Variants in GNAQ observed in about 807,000 individuals in gnomAD.
GNAQ encodes the protein guanine nucleotide-binding protein G(q) subunit alpha.
In GNAQ, 8 loss-of-function variants were observed where a neutral mutation model predicts 43.9. The ratio of observed to expected loss-of-function variants is 0.18; its 90% CI spans 0.11 to 0.33. The LOEUF (loss-of-function observed/expected upper bound fraction) is 0.33, where lower values mean the gene tolerates loss of function less well. GNAQ is among the 10% of genes least tolerant of loss of function. The pLI is 1.00. For missense variants in GNAQ, 158 were observed against 450.8 expected (o/e 0.35, Z 5.88); for synonymous variants, 155 against 170.7 (o/e 0.91, Z 0.71).
At chr9:77,986,622 T>A (rs1257427737) in intron 1 of GNAQ, among the ~76,000 whole-genome samples, 1 of 152,018 alleles carries the variant, frequency 6.6e-6, no homozygotes, top group African/African-American at 2.4e-5. Context: ...CCTTCCTCCT[T>A]AGCCTCCCAA....
At chr9:77,881,420 CCATACTGGAGTA>C (rs1450205864) in intron 2 of GNAQ, among the ~76,000 whole-genome samples, 1 of 152,174 alleles carries the variant, frequency 6.6e-6, no homozygotes, top group Non-Finnish European at 1.5e-5. Context: ...GCTCTGTTGT[CCATACTGGAGTA>C]CAGTGACGCT....
intron 5 of GNAQ, among the ~76,000 whole-genome samples, chr9:77,730,749 T>G (rs752059174): frequency 1.3e-5 from 2 of 152,250 alleles, no homozygotes; most frequent in Non-Finnish European, 2.9e-5. Context: ...TTATTGTCTA[T>G]AGGCCTTTTA....
rs143268092 is a variant in GNAQ, at chr9:78,013,706, C to T, written c.136+17394G>A. Among the ~76,000 whole-genome samples, 1,065 of 152,236 alleles carry T rather than the reference C, an allele frequency of 7.0e-3. 19 individuals carry two copies. Among genetic ancestry groups the T allele is most frequent in the African/African-American group, 0.024 (990 of 41,524 alleles). On this transcript the variant is annotated intron_variant, in intron 1 of 6. Transcript: ENST00000286548. The stretch of plus-strand genomic sequence containing the variant: ...ACAGACAGGAACAAAAAAGTTAATA[C>T]ACGCAAATAAAATACCACAAAAAGC...
chr9:78,013,859 G>A (rs1218337227), intron 1 of GNAQ, among the ~76,000 whole-genome samples: 1 of 152,118 alleles, frequency 6.6e-6, no homozygotes, highest in Non-Finnish European at 1.5e-5. Context: ...GTTTGTGGCA[G>A]AGTTGAGTAG....
At position 77,802,269 on chromosome 9, in the gene GNAQ, C is replaced by G. The variant is rs185728228; in HGVS notation, c.477-4621G>C. ...CGCATAACCCCCAATCCCATGCAAC[C>G]CCCCTCACTCTGGGCTCACAGGACT... On this transcript the variant is annotated intron_variant, in intron 3 of 6. Coordinates refer to ENST00000286548, the MANE Select transcript of GNAQ (RefSeq NM_002072.5). Among the ~76,000 whole-genome samples, 5 of 152,208 alleles carry G rather than the reference C, an allele frequency of 3.3e-5. No homozygotes were observed. In the East Asian group the frequency reaches 9.7e-4, roughly 29 times the overall value.
intron 2 of GNAQ, among the ~76,000 whole-genome samples, chr9:77,889,280 T>C (rs547105851): frequency 2.0e-5 from 3 of 151,394 alleles, no homozygotes; most frequent in East Asian, 3.9e-4. Flanking sequence ...TGGTGGTGCG[T>C]GCCTGTAGTC....
Position 77,955,935 on chromosome 9 carries a change from C to T in GNAQ, c.137-33590G>A, listed in dbSNP as rs117241171. Among the ~76,000 whole-genome samples, 307 of 152,242 alleles carry T rather than the reference C, an allele frequency of 2.0e-3. 10 individuals carry two copies. In the East Asian group the frequency reaches 0.058, roughly 29 times the overall value. On this transcript the variant is annotated intron_variant, in intron 1 of 6. Transcript: ENST00000286548. Reference sequence around the variant, plus strand: ...AGACCAAGAGGTGATGTTTCTCTTCCGATGGCAATTCCTGCCACGGCAATT... The same window carrying T: ...AGACCAAGAGGTGATGTTTCTCTTCTGATGGCAATTCCTGCCACGGCAATT...
intron 2 of GNAQ, among the ~76,000 whole-genome samples, chr9:77,895,358 G>A (rs559745284): frequency 6.6e-6 from 1 of 152,160 alleles, no homozygotes. Flanking sequence ...CACACAGAAT[G>A]TAACTGATCT....
intron 1 of GNAQ, among the ~76,000 whole-genome samples, chr9:77,996,647 C>T (rs1420199946): frequency 7.1e-6 from 1 of 140,666 alleles, no homozygotes; most frequent in East Asian, 2.1e-4. Context: ...CACTGCATTC[C>T]AGCCCGGACA....
intron 1 of GNAQ, among the ~76,000 whole-genome samples, chr9:78,028,909 T>C (rs1229687518): frequency 6.6e-6 from 1 of 152,176 alleles, no homozygotes; most frequent in East Asian, 1.9e-4. Flanking sequence ...GTAGTATTCA[T>C]GTTGCAAAAG....
chr9:77,729,070 A>G (rs1214813370), intron 5 of GNAQ, among the ~76,000 whole-genome samples: 1 of 143,610 alleles, frequency 7.0e-6, no homozygotes, highest in East Asian at 2.0e-4. Flanking sequence ...TTCTTAAGCT[A>G]TATTTATTTG....
chr9:77,818,969 C>T (rs1827063780), intron 2 of GNAQ, among the ~76,000 whole-genome samples: 1 of 117,312 alleles, frequency 8.5e-6, no homozygotes, highest in Non-Finnish European at 1.6e-5. Context: ...CACGGCATTC[C>T]AGCCTAGGTA....
At chr9:77,788,296 A>T (rs753644545) in intron 5 of GNAQ, among the ~76,000 whole-genome samples, 1 of 152,202 alleles carries the variant, frequency 6.6e-6, no homozygotes, top group Non-Finnish European at 1.5e-5. Context: ...ACAGCAGGGA[A>T]CAGTCACGTA....
intron 3 of GNAQ, among the ~76,000 whole-genome samples, chr9:77,813,850 T>C (rs1284421221): frequency 6.6e-6 from 1 of 152,044 alleles, no homozygotes; most frequent in Non-Finnish European, 1.5e-5. Context: ...AGATAGAGGT[T>C]AGAAGAAAAA....
chr9:77,995,581 C>A (rs1823558412), intron 1 of GNAQ, among the ~76,000 whole-genome samples: 1 of 152,112 alleles, frequency 6.6e-6, no homozygotes, highest in African/African-American at 2.4e-5. Context: ...GCCTCAAACT[C>A]CTGGACTCAA....
chr9:77,862,693 G>C (rs1381254126), intron 2 of GNAQ, among the ~76,000 whole-genome samples: 1 of 152,172 alleles, frequency 6.6e-6, no homozygotes, highest in Admixed American at 6.5e-5. Flanking sequence ...TATTGTCTTG[G>C]GGATTAACAT....
chr9:77,814,542 A>G (rs1415431629), intron 3 of GNAQ, among the ~76,000 whole-genome samples: 1 of 152,210 alleles, frequency 6.6e-6, no homozygotes, highest in Non-Finnish European at 1.5e-5. Flanking sequence ...ATCAGGCAAC[A>G]TTTCTGTGGC....
At chr9:78,014,924 C>T (rs1010796421) in intron 1 of GNAQ, among the ~76,000 whole-genome samples, 1 of 152,160 alleles carries the variant, frequency 6.6e-6, no homozygotes, top group African/African-American at 2.4e-5. Context: ...CGCCTACTGA[C>T]ATCGTAGTTA....
At chr9:77,942,050 C>T (rs1829323584) in intron 1 of GNAQ, among the ~76,000 whole-genome samples, 1 of 151,798 alleles carries the variant, frequency 6.6e-6, no homozygotes, top group African/African-American at 2.4e-5. Context: ...TTTCCTATTG[C>T]TAACTTGTAT....
Sources: allele counts gnomAD v4.1 joint callset (sites outside exome capture counted in the v4.1 genomes callset), GRCh38; gene constraint gnomAD v4.1.1; transcripts MANE v1.5; gene names NCBI Gene and HGNC (gene_info 2026-07-23, HGNC 2026-07-21).